FHL5: variants seen among roughly 807,000 people sequenced by gnomAD.
FHL5 encodes four and a half LIM domains protein 5.
A neutral mutation model predicts 32.0 loss-of-function variants in FHL5; 33 were observed. The ratio of observed to expected loss-of-function variants is 1.03; its 90% CI spans 0.78 to 1.38. The LOEUF is 1.38. Among genes scored for constraint, FHL5 ranks in the 40% most tolerant of loss-of-function variants. The probability of loss-of-function intolerance (pLI) is 0.00; values close to 1 mark genes in which losing one functional copy is unlikely to be tolerated. For missense variants in FHL5, 336 were observed against 343.9 expected, an observed-to-expected ratio of 0.98 and a Z score of 0.18; for synonymous variants, 114 against 113.6, an observed-to-expected ratio of 1.00 and a Z score of -0.02.
chr6:96,585,564 T>TA (rs764440993), intron 1 of FHL5, among the ~76,000 whole-genome samples: 7 of 151,044 alleles, frequency 4.6e-5, no homozygotes, highest in South Asian at 2.1e-4. Context: ...AAAGTAATCT[T>TA]AAAAAAAAAC....
intron 3 of FHL5, 81 bp from the exon 4 acceptor site, chr6:96,605,821 T>C: frequency 8.8e-7 from 1 of 1,142,574 alleles, no homozygotes; most frequent in Non-Finnish European, 1.2e-6. Context: ...TAAAACGTTT[T>C]TAAGTAATTT....
At chr6:96,589,384 G>T (rs1387800440) in intron 1 of FHL5, among the ~76,000 whole-genome samples, 3 of 152,022 alleles carry the variant, frequency 2.0e-5, no homozygotes, top group Admixed American at 1.3e-4. Flanking sequence ...GAATTTTGCT[G>T]ATATTTTTAT....
At chr6:96,594,832 T>C (rs1400394907) in intron 1 of FHL5, among the ~76,000 whole-genome samples, 1 of 152,006 alleles carries the variant, frequency 6.6e-6, no homozygotes, top group Non-Finnish European at 1.5e-5. Context: ...TGACTTATTA[T>C]TAAAATTTTA....
chr6:96,616,750 C>T lies in FHL5; in HGVS notation c.*978C>T, dbSNP rs1377069313. The T allele has an allele frequency of 6.6e-6, 1 of 152,134 alleles. No individual in the cohort carries two copies. Among genetic ancestry groups the T allele is most frequent in the African/African-American group, 2.4e-5 (1 of 41,406 alleles). 9.4% of individuals were successfully genotyped at this position (152,134 alleles called of 1,614,324 possible). ...TAGCTCTGTGCCTCATGCATTATTG[C>T]CTTCTAAAATTACATAAATGATTAA... On this transcript the variant is annotated 3_prime_UTR_variant, in exon 6 of 6. Coordinates refer to ENST00000450218, the MANE Select transcript of FHL5 (RefSeq NM_001322466.2).
At position 96,615,602 on chromosome 6, in the gene FHL5, T is replaced by C; in HGVS notation, c.692-7T>C. On this transcript the variant is annotated splice_region_variant and splice_polypyrimidine_tract_variant and intron_variant, in intron 5 of 5. Coordinates refer to ENST00000450218, the MANE Select transcript of FHL5 (RefSeq NM_001322466.2). ...TAGATTAATCTTTTTCTCCAATTCCTTTACAGGTCTCACAGGTGCCAAGTT... is the reference window on the plus strand; with the variant it reads ...TAGATTAATCTTTTTCTCCAATTCCCTTACAGGTCTCACAGGTGCCAAGTT... 1 of 1,596,586 alleles carries C rather than the reference T, an allele frequency of 6.3e-7. No homozygotes were observed. Among genetic ancestry groups the C allele is most frequent in the Non-Finnish European group, 8.5e-7 (1 of 1,171,558 alleles).
chr6:96,602,949 C>T (rs528364488), intron 1 of FHL5, among the ~76,000 whole-genome samples: 4 of 152,204 alleles, frequency 2.6e-5, no homozygotes, highest in East Asian at 1.9e-4. Flanking sequence ...TGGTAAAGGA[C>T]ATTTAAATGA....
intron 1 of FHL5, among the ~76,000 whole-genome samples, chr6:96,568,362 A>T (rs1770405668): frequency 6.6e-6 from 1 of 151,814 alleles, no homozygotes; most frequent in African/African-American, 2.4e-5. Flanking sequence ...ATTGGTTCAC[A>T]AGTATTTTGT....
At chr6:96,564,422 T>C (rs1429170535) in intron 1 of FHL5, among the ~76,000 whole-genome samples, 4 of 152,348 alleles carry the variant, frequency 2.6e-5, no homozygotes, top group African/African-American at 9.6e-5. Context: ...ACACTTGTTC[T>C]ATTTATTCTC....
intron 1 of FHL5, among the ~76,000 whole-genome samples, chr6:96,565,845 T>C (rs2127957145): frequency 6.6e-6 from 1 of 152,230 alleles, no homozygotes; most frequent in South Asian, 2.1e-4. Flanking sequence ...TTTTTCTTCT[T>C]AAATTTTTTC....
chr6:96,569,396 T>C (rs1378042047), intron 1 of FHL5, among the ~76,000 whole-genome samples: 1 of 152,078 alleles, frequency 6.6e-6, no homozygotes, highest in Non-Finnish European at 1.5e-5. Flanking sequence ...GAAAAGAATA[T>C]GTATTTTGCA....
intron 1 of FHL5, among the ~76,000 whole-genome samples, chr6:96,583,948 C>G (rs566700161): frequency 6.6e-6 from 1 of 152,000 alleles, no homozygotes; most frequent in African/African-American, 2.4e-5. Flanking sequence ...TCATAGAATT[C>G]TTTTCGTATA....
At position 96,607,377 on chromosome 6, in the gene FHL5, A is replaced by G. The variant is rs146690882; in HGVS notation, c.504+1306A>G. On this transcript the variant is annotated intron_variant, in intron 4 of 5. Transcript: ENST00000450218. ...GCTGGAAGTCACACTACCACTTTCT[A>G]TGCACACATATGTGAACACACATGC... is the stretch of plus-strand genomic sequence containing the variant. Among the ~76,000 whole-genome samples the G allele has an allele frequency of 1.9e-3, 282 of 150,804 alleles. 1 individual carries two copies. Among genetic ancestry groups the G allele is most frequent in the Admixed American group, 3.2e-3 (48 of 15,158 alleles).
intron 2 of FHL5, among the ~76,000 whole-genome samples, 198 bp downstream of exon 2, chr6:96,603,970 A>G (rs979454452): frequency 2.0e-5 from 3 of 152,192 alleles, no homozygotes; most frequent in Admixed American, 6.5e-5. Context: ...TAATCCTCAC[A>G]TGATCTTCTA....
intron 5 of FHL5, among the ~76,000 whole-genome samples, chr6:96,615,272 C>T (rs1351855442): frequency 6.6e-6 from 1 of 152,162 alleles, no homozygotes; most frequent in Non-Finnish European, 1.5e-5. Flanking sequence ...ACAACCTATA[C>T]CTTCTTTCCA....
At chr6:96,566,565 G>T (rs1770362376) in intron 1 of FHL5, among the ~76,000 whole-genome samples, 1 of 151,766 alleles carries the variant, frequency 6.6e-6, no homozygotes, top group Non-Finnish European at 1.5e-5. Flanking sequence ...TTAATTTTTT[G>T]AGGAACCTTC....
At chr6:96,610,785 T>C (rs369466732) in intron 5 of FHL5, 27 bp downstream of exon 5, 2 of 1,512,144 alleles carry the variant, frequency 1.3e-6, no homozygotes, top group Non-Finnish European at 1.8e-6. Flanking sequence ...AATATGATCA[T>C]GCCATGAGAC....
intron 1 of FHL5, among the ~76,000 whole-genome samples, chr6:96,591,726 CG>C (rs750519882): frequency 2.6e-4 from 40 of 151,886 alleles, no homozygotes; most frequent in Non-Finnish European, 4.9e-4. Flanking sequence ...AGCCAGATAT[CG>C]GGGGGAAATT....
At chr6:96,585,258 C>T (rs1198320377) in intron 1 of FHL5, among the ~76,000 whole-genome samples, 1 of 152,120 alleles carries the variant, frequency 6.6e-6, no homozygotes. Context: ...ATATTCTTTA[C>T]ACCATTTAAA....
chr6:96,583,710 T>G (rs999546790), intron 1 of FHL5, among the ~76,000 whole-genome samples: 10 of 152,092 alleles, frequency 6.6e-5, no homozygotes, highest in Non-Finnish European at 1.2e-4. Flanking sequence ...AAAGGGCAAT[T>G]GAATATCAAA....
Sources: gnomAD v4.1 joint callset for allele counts (sites outside exome capture counted in the v4.1 genomes callset) on GRCh38, gnomAD v4.1.1 for gene constraint, MANE v1.5 for transcripts, NCBI Gene and HGNC (gene_info 2026-07-23, HGNC 2026-07-21) for gene names.